Variants in CRPPA observed in about 807,000 individuals in gnomAD.
CRPPA encodes the protein CDP-L-ribitol pyrophosphorylase A.
In CRPPA, 43 loss-of-function variants were observed where a neutral mutation model predicts 52.0. The observed-to-expected ratio is 0.83, with a 90% CI of 0.65 to 1.07. CRPPA has a LOEUF of 1.07. Ranked by LOEUF, CRPPA falls within the 50% of genes least tolerant of loss-of-function variation. The pLI, the probability that CRPPA is intolerant of heterozygous loss-of-function variation, is 0.00. For missense variants in CRPPA, 629 were observed against 551.7 expected, an observed-to-expected ratio of 1.14 and a Z score of -1.40; for synonymous variants, 250 against 203.5, an observed-to-expected ratio of 1.23 and a Z score of -1.94.
chr7:16,255,522 C>G (rs375853578), intron 8 of CRPPA, among the ~76,000 whole-genome samples: 6 of 152,166 alleles, frequency 3.9e-5, no homozygotes, highest in African/African-American at 7.2e-5. Context: ...GGAGGCATCA[C>G]GCTACCTGAC....
chr7:16,244,245 C>T (rs752759771), intron 8 of CRPPA, among the ~76,000 whole-genome samples: 3 of 152,000 alleles, frequency 2.0e-5, no homozygotes, highest in Non-Finnish European at 2.9e-5. Context: ...AAATTTCCCA[C>T]GTTAAATAAT....
rs79443511 is a variant in CRPPA at position 16,127,285 on chromosome 7, A to G, written c.1252-35486T>C. On this transcript the variant is annotated intron_variant, in intron 9 of 9. Coordinates refer to ENST00000407010, the MANE Select transcript of CRPPA (RefSeq NM_001101426.4). ...TATCAAGAGTTTCCCTTAAAGTTAG[A>G]GAAAGAAAAATGATGACTGGTGTCA... Among the ~76,000 whole-genome samples, 332 of 152,250 alleles carry G rather than the reference A, an allele frequency of 2.2e-3. No homozygotes were observed. In the East Asian group the frequency reaches 0.028, roughly 13 times the overall value.
intron 4 of CRPPA, among the ~76,000 whole-genome samples, chr7:16,301,875 G>C (rs897929228): frequency 2.0e-5 from 3 of 152,136 alleles, no homozygotes; most frequent in African/African-American, 7.2e-5. Context: ...AAATAATTCT[G>C]AAAGGTCAAT....
chr7:16,315,678 C>A (rs1562626804), intron 3 of CRPPA, among the ~76,000 whole-genome samples: 1 of 152,136 alleles, frequency 6.6e-6, no homozygotes, highest in South Asian at 2.1e-4. Flanking sequence ...CTCCAGTACC[C>A]ATTTTAAGAA....
At chr7:16,348,068 C>T (rs565198385) in intron 3 of CRPPA, among the ~76,000 whole-genome samples, 2 of 152,202 alleles carry the variant, frequency 1.3e-5, no homozygotes, top group Admixed American at 1.3e-4. Context: ...TTGGCACAAC[C>T]CAGCTTCTAA....
chr7:16,371,888 G>C (rs1352050025), intron 3 of CRPPA, among the ~76,000 whole-genome samples: 1 of 151,850 alleles, frequency 6.6e-6, no homozygotes, highest in Admixed American at 6.6e-5. Flanking sequence ...TTCTGAAAAG[G>C]AAAGACACAC....
At chr7:16,259,036 A>G in intron 6 of CRPPA, 24 bp from the exon 7 acceptor site, 1 of 1,510,290 alleles carries the variant, frequency 6.6e-7, no homozygotes, top group Non-Finnish European at 9.1e-7. Flanking sequence ...ACAGAAATGA[A>G]TTCACAAATT....
chr7:16,181,239 A>T (rs903351673), intron 9 of CRPPA, among the ~76,000 whole-genome samples: 2 of 151,960 alleles, frequency 1.3e-5, no homozygotes, highest in Non-Finnish European at 2.9e-5. Context: ...TATTTTAAGA[A>T]AATGTATTTA....
intron 3 of CRPPA, among the ~76,000 whole-genome samples, chr7:16,333,327 A>C (rs114470104): frequency 1.3e-5 from 2 of 152,220 alleles, no homozygotes; most frequent in African/African-American, 4.8e-5. Flanking sequence ...TGTGCTTCTC[A>C]GACTCATATG....
At chr7:16,389,922 A>ATATATATATATATATAT (rs1163713598) in intron 2 of CRPPA, among the ~76,000 whole-genome samples, 16 of 62,238 alleles carry the variant, frequency 2.6e-4, no homozygotes, top group East Asian at 5.5e-4. Flanking sequence ...ACAAAAAAAA[A>ATATATATATATATATAT]AAAAAAATAT....
chr7:16,257,204 G>T (rs981832969), intron 8 of CRPPA, among the ~76,000 whole-genome samples: 11 of 152,106 alleles, frequency 7.2e-5, no homozygotes, highest in Non-Finnish European at 1.6e-4. Context: ...AGTGTTCTGA[G>T]TTCAAAGCCT....
chr7:16,295,584 G>A (rs999270536), intron 5 of CRPPA, among the ~76,000 whole-genome samples: 8 of 152,050 alleles, frequency 5.3e-5, no homozygotes, highest in African/African-American at 1.7e-4. Context: ...ATGAAGAATG[G>A]AGGTAGAAAA....
chr7:16,246,547 A>ATCTAGGG (rs1783280865), intron 8 of CRPPA, among the ~76,000 whole-genome samples: 1 of 152,218 alleles, frequency 6.6e-6, no homozygotes, highest in Admixed American at 6.5e-5. Flanking sequence ...TGATAGCCTT[A>ATCTAGGG]CACAAGGTAT....
intron 9 of CRPPA, among the ~76,000 whole-genome samples, chr7:16,114,854 C>A (rs996982483): frequency 6.6e-6 from 1 of 151,876 alleles, no homozygotes; most frequent in Non-Finnish European, 1.5e-5. Context: ...ATCGTGTAAA[C>A]CCTAGTCAAA....
intron 3 of CRPPA, among the ~76,000 whole-genome samples, chr7:16,308,948 G>A (rs565525035): frequency 6.6e-6 from 1 of 152,210 alleles, no homozygotes; most frequent in African/African-American, 2.4e-5. Context: ...TTCCAAACAT[G>A]TTTATAAAAT....
chr7:16,169,112 C>T (rs1287428612), intron 9 of CRPPA, among the ~76,000 whole-genome samples: 1 of 152,152 alleles, frequency 6.6e-6, no homozygotes. Flanking sequence ...TCACACCTGT[C>T]TTACATAAAT....
At chr7:16,272,462 G>T (rs1784112162) in intron 6 of CRPPA, among the ~76,000 whole-genome samples, 1 of 152,134 alleles carries the variant, frequency 6.6e-6, no homozygotes, top group Non-Finnish European at 1.5e-5. Context: ...GTGTTGAGCA[G>T]CTCCACACCC....
chr7:16,284,037 C>A (rs1282204470), intron 5 of CRPPA, among the ~76,000 whole-genome samples: 3 of 151,898 alleles, frequency 2.0e-5, no homozygotes, highest in Non-Finnish European at 4.4e-5. Flanking sequence ...TGAGAAGAGA[C>A]CAAAGAACGA....
At chr7:16,342,953 C>A (rs898944340) in intron 3 of CRPPA, among the ~76,000 whole-genome samples, 43 of 140,036 alleles carry the variant, frequency 3.1e-4, no homozygotes, top group Admixed American at 5.2e-4. Flanking sequence ...GGTGTGACAA[C>A]TGCTTGAGCC....
Sources: allele counts gnomAD v4.1 joint callset (sites outside exome capture counted in the v4.1 genomes callset), GRCh38; gene constraint gnomAD v4.1.1; transcripts MANE v1.5; gene names NCBI Gene and HGNC (gene_info 2026-07-23, HGNC 2026-07-21).